Variants in CNKSR2 observed in about 807,000 individuals in gnomAD.
CNKSR2 encodes the protein CNK homolog protein 2.
In CNKSR2, 14 loss-of-function variants were observed where a neutral mutation model predicts 84.4. That is an observed-to-expected ratio of 0.17 (90% CI 0.11 to 0.26). The LOEUF is 0.26. CNKSR2 is among the 10% of genes least tolerant of loss of function. The pLI is 1.00. For missense variants in CNKSR2, 485 were observed against 771.2 expected, an observed-to-expected ratio of 0.63 and a Z score of 4.40; for synonymous variants, 275 against 277.9, an observed-to-expected ratio of 0.99 and a Z score of 0.10.
intron 8 of CNKSR2, chrX:21,506,500 A>G (rs1046858820): frequency 1.8e-5 from 2 of 111,800 alleles, no homozygotes; most frequent in Non-Finnish European, 3.8e-5. Flanking sequence ...AGTGATACGT[A>G]TTGATATAAA....
chrX:21,401,187 A>G (rs1316603139), intron 1 of CNKSR2, among the ~76,000 whole-genome samples: 1 of 111,342 alleles, frequency 9.0e-6, no homozygotes, highest in Non-Finnish European at 1.9e-5. Context: ...AAACTGGGTT[A>G]AGAAATGATC....
In CNKSR2 at chrX:21,526,869, T is replaced by C. The variant is rs2091840501; in HGVS notation, c.960T>C (p.Pro320=). 3 of 1,202,525 alleles carry C rather than the reference T, an allele frequency of 2.5e-6. No individual in the cohort carries two copies. Among genetic ancestry groups the C allele is most frequent in the East Asian group, 5.9e-5 (2 of 33,616 alleles). ...ATTTTCTTTTTCATTTTAACCAGCC[T>C]CTTATACCTAGAAGTCCCACAAGCA... ...NMRWKPLALQ[P]LIPRSPTSSV... Residue 320 remains proline (P), a splice_region_variant and synonymous_variant, in exon 10 of 22, where the codon CCT becomes CCC. Coordinates refer to ENST00000379510, the MANE Select transcript of CNKSR2 (RefSeq NM_014927.5).
At chrX:21,531,279 G>T (rs2091883518) in intron 10 of CNKSR2, among the ~76,000 whole-genome samples, 1 of 110,572 alleles carries the variant, frequency 9.0e-6, no homozygotes, top group Admixed American at 9.7e-5. Flanking sequence ...TTTTTACCAA[G>T]AATCAATCAG....
intron 21 of CNKSR2, among the ~76,000 whole-genome samples, chrX:21,651,950 C>T (rs938091918): frequency 8.9e-6 from 1 of 112,222 alleles, no homozygotes; most frequent in Non-Finnish European, 1.9e-5. Context: ...CTCAGTGGCA[C>T]TGATGGAGTA....
At chrX:21,450,864 C>T (rs1187370873) in intron 4 of CNKSR2, among the ~76,000 whole-genome samples, 1 of 111,606 alleles carries the variant, frequency 9.0e-6, no homozygotes, top group Admixed American at 9.5e-5. Flanking sequence ...ACAAATCTTG[C>T]AGTAAAGGCT....
At chrX:21,376,602 A>C (rs2089820372) in intron 1 of CNKSR2, among the ~76,000 whole-genome samples, 1 of 110,406 alleles carries the variant, frequency 9.1e-6, no homozygotes, top group African/African-American at 3.3e-5. Flanking sequence ...AATTATCCTC[A>C]CTCTCCACCT....
At chrX:21,532,762 G>A (rs1601911581) in intron 11 of CNKSR2, among the ~76,000 whole-genome samples, 1 of 111,783 alleles carries the variant, frequency 8.9e-6, no homozygotes, top group East Asian at 2.8e-4. Flanking sequence ...TCTTCTGCAA[G>A]AATAAATGGA....
chrX:21,471,840 A>T (rs1265578016), intron 5 of CNKSR2, among the ~76,000 whole-genome samples: 1 of 111,868 alleles, frequency 8.9e-6, no homozygotes, highest in Admixed American at 9.5e-5. Flanking sequence ...AGGGAAAATA[A>T]TTACAACTCC....
intron 21 of CNKSR2, among the ~76,000 whole-genome samples, chrX:21,651,261 A>C (rs959816231): frequency 6.2e-5 from 7 of 112,252 alleles, no homozygotes; most frequent in African/African-American, 2.3e-4. Flanking sequence ...TCATTGGTAC[A>C]AATGAACTAC....
intron 9 of CNKSR2, among the ~76,000 whole-genome samples, chrX:21,524,820 T>C (rs1426816017): frequency 9.0e-6 from 1 of 111,057 alleles, no homozygotes. Flanking sequence ...TTTGATTATG[T>C]TTAAATGCTT....
intron 20 of CNKSR2, among the ~76,000 whole-genome samples, chrX:21,647,929 C>A (rs185985379): frequency 9.0e-6 from 1 of 111,503 alleles, no homozygotes; most frequent in African/African-American, 3.3e-5. Context: ...AATCCTAGTT[C>A]ATCTTTGTTT....
chrX:21,498,082 C>T (rs1282237859), intron 7 of CNKSR2, among the ~76,000 whole-genome samples: 3 of 111,378 alleles, frequency 2.7e-5, no homozygotes, highest in African/African-American at 9.8e-5. Flanking sequence ...AGAGATTTGT[C>T]TTTGTATTTT....
At chrX:21,497,701 G>A (rs1181446164) in intron 6 of CNKSR2, 86 bp from the exon 7 acceptor site, 5 of 519,265 alleles carry the variant, frequency 9.6e-6, no homozygotes, top group Admixed American at 3.1e-5. Flanking sequence ...ATTTGATAGA[G>A]TAATTTTTTA....
chrX:21,652,483 C>T lies in CNKSR2; in HGVS notation c.3067C>T (p.Leu1023=). Residue 1023 remains leucine (L), a synonymous_variant, in exon 22 of 22, where the codon CTA becomes TTA. Coordinates refer to ENST00000379510, the MANE Select transcript of CNKSR2 (RefSeq NM_014927.5). The part of the protein sequence containing the change: ...SSEVDVITSS[L]AHTHSYIETH... Reference sequence around the variant, plus strand: ...TGAAGTAGATGTAATCACTTCCTCTCTAGCACACACTCATTCATACATTGA... The same window carrying T: ...TGAAGTAGATGTAATCACTTCCTCTTTAGCACACACTCATTCATACATTGA... The T allele has an allele frequency of 2.5e-6, 3 of 1,208,450 alleles. No homozygotes were observed. Among genetic ancestry groups the T allele is most frequent in the Non-Finnish European group, 3.4e-6 (3 of 892,376 alleles).
At chrX:21,517,693 A>G (rs1358853172) in intron 9 of CNKSR2, among the ~76,000 whole-genome samples, 1 of 111,023 alleles carries the variant, frequency 9.0e-6, no homozygotes, top group Non-Finnish European at 1.9e-5. Flanking sequence ...TTTTAAAAAT[A>G]AGAGACTATT....
At chrX:21,414,639 A>G (rs969553022) in intron 1 of CNKSR2, among the ~76,000 whole-genome samples, 2 of 111,521 alleles carry the variant, frequency 1.8e-5, no homozygotes, top group African/African-American at 6.5e-5. Context: ...CTTTGCCAAG[A>G]CCAGTGTCCT....
chrX:21,485,700 T>C (rs1410665625), intron 5 of CNKSR2, among the ~76,000 whole-genome samples: 1 of 112,117 alleles, frequency 8.9e-6, no homozygotes, highest in Admixed American at 9.5e-5. Flanking sequence ...GGGTAGTTTA[T>C]AACAGAATCC....
chrX:21,496,113 G>T (rs922746073), intron 6 of CNKSR2, among the ~76,000 whole-genome samples: 2 of 110,879 alleles, frequency 1.8e-5, no homozygotes, highest in Non-Finnish European at 3.8e-5. Context: ...CATGGAAAAG[G>T]TACAATAAAA....
chrX:21,438,695 AAG>A (rs2090742634), intron 3 of CNKSR2, among the ~76,000 whole-genome samples: 1 of 111,799 alleles, frequency 8.9e-6, no homozygotes, highest in Non-Finnish European at 1.9e-5. Flanking sequence ...CTACATAAAA[AAG>A]AAAAACGTAA....
Sources: gnomAD v4.1 joint callset for allele counts (sites outside exome capture counted in the v4.1 genomes callset) on GRCh38, gnomAD v4.1.1 for gene constraint, MANE v1.5 for transcripts, NCBI Gene and HGNC (gene_info 2026-07-23, HGNC 2026-07-21) for gene names.